ZSCAN5A: variants seen among roughly 807,000 people sequenced by gnomAD.
ZSCAN5A encodes zinc finger and SCAN domain-containing protein 5A.
Under a neutral mutation model 23.7 loss-of-function variants are expected in ZSCAN5A, and 12 were observed. That is an observed-to-expected ratio of 0.51 (90% CI 0.32 to 0.82). The LOEUF (loss-of-function observed/expected upper bound fraction) is 0.82. ZSCAN5A is among the 40% of genes least tolerant of loss of function. The pLI, the probability that ZSCAN5A is intolerant of heterozygous loss-of-function variation, is 0.03. For missense variants in ZSCAN5A, 597 were observed against 617.9 expected (o/e 0.97, Z 0.36); for synonymous variants, 257 against 239.9 (o/e 1.07, Z -0.66).
intron 2 of ZSCAN5A, among the ~76,000 whole-genome samples, chr19:56,268,269 G>A (rs933121043): frequency 6.6e-6 from 1 of 152,208 alleles, no homozygotes; most frequent in Non-Finnish European, 1.5e-5. Flanking sequence ...AGCCAGTCAT[G>A]CCAGCTGCAG....
At chr19:56,245,686 C>T (rs147508907) in intron 2 of ZSCAN5A, among the ~76,000 whole-genome samples, 2 of 151,922 alleles carry the variant, frequency 1.3e-5, no homozygotes, top group Non-Finnish European at 2.9e-5. Context: ...CAGTTGGCAC[C>T]GATGAATGAA....
chr19:56,271,077 A>T (rs1387863523), intron 2 of ZSCAN5A, among the ~76,000 whole-genome samples: 1 of 152,250 alleles, frequency 6.6e-6, no homozygotes, highest in Non-Finnish European at 1.5e-5. Flanking sequence ...GACTGTGATT[A>T]TATTTGATAA....
At chr19:56,337,606 G>C (rs2041552225) in intron 2 of ZSCAN5A, among the ~76,000 whole-genome samples, 1 of 152,160 alleles carries the variant, frequency 6.6e-6, no homozygotes, top group African/African-American at 2.4e-5. Context: ...TGCACCCACT[G>C]TCCGGCACTC....
At chr19:56,245,330 C>G in intron 2 of ZSCAN5A, 1 of 745,996 alleles carries the variant, frequency 1.3e-6, no homozygotes, top group Non-Finnish European at 2.5e-6. Context: ...GTCCAGCCAG[C>G]GGGCCTCCTC....
At chr19:56,275,076 T>A (rs1271732305) in intron 2 of ZSCAN5A, among the ~76,000 whole-genome samples, 1 of 152,232 alleles carries the variant, frequency 6.6e-6, no homozygotes, top group African/African-American at 2.4e-5. Flanking sequence ...CACATGATGT[T>A]GATGTGTCTT....
At chr19:56,365,215 C>T (rs1452635476) in intron 1 of ZSCAN5A, among the ~76,000 whole-genome samples, 3 of 152,116 alleles carry the variant, frequency 2.0e-5, no homozygotes, top group African/African-American at 4.8e-5. Context: ...GAGAAATGTA[C>T]ATAATGGGTT....
chr19:56,363,566 C>T (rs1041597890), intron 1 of ZSCAN5A, among the ~76,000 whole-genome samples: 4 of 152,136 alleles, frequency 2.6e-5, no homozygotes, highest in African/African-American at 9.7e-5. Context: ...TGGTTGTGAC[C>T]AAAATGCTAA....
intron 2 of ZSCAN5A, among the ~76,000 whole-genome samples, chr19:56,241,891 T>A (rs1192592843): frequency 6.6e-6 from 1 of 152,212 alleles, no homozygotes; most frequent in Non-Finnish European, 1.5e-5. Context: ...ATTTGTTACA[T>A]GAGTGTATTG....
chr19:56,331,832 C>T (rs556122909), intron 2 of ZSCAN5A, among the ~76,000 whole-genome samples: 4 of 151,982 alleles, frequency 2.6e-5, no homozygotes, highest in East Asian at 1.9e-4. Context: ...GTGGTCCACC[C>T]GCCTCGGCCT....
chr19:56,319,498 GAA>G (rs57164685), upstream of ZSCAN5A, among the ~76,000 whole-genome samples: 47 of 78,410 alleles, frequency 6.0e-4, no homozygotes, highest in South Asian at 6.7e-3. Flanking sequence ...TCCATCTCGG[GAA>G]AAAAAAAAAA....
At chr19:56,326,684 C>G (rs574498032) in intron 2 of ZSCAN5A, among the ~76,000 whole-genome samples, 14 of 152,286 alleles carry the variant, frequency 9.2e-5, no homozygotes, top group Admixed American at 2.0e-4. Flanking sequence ...CACACATGCT[C>G]TCACGTAAAT....
chr19:56,320,011 T>C lies in ZSCAN5A; in HGVS notation c.-357-3743A>G, dbSNP rs1363372244. ...GGACATTGATACTCTCTAATACACA[T>C]GGAACATCAACAATGGTAATAAAGC... On this transcript the variant is annotated intron_variant, in intron 2 of 6. Transcript: ENST00000587340. The C allele has an allele frequency of 4.6e-6, 4 of 873,558 alleles. No homozygotes were observed. In the African/African-American group the frequency reaches 4.9e-5, roughly 11 times the overall value. The allele number at this position is 873,558 out of a possible 1,614,324, so 54.1% of individuals were successfully genotyped here. A position where few individuals can be genotyped will look rare whatever the true frequency, so the allele number is the denominator to read the frequency against.
At chr19:56,251,559 G>A (rs748094873) in intron 2 of ZSCAN5A, among the ~76,000 whole-genome samples, 62 of 152,144 alleles carry the variant, frequency 4.1e-4, no homozygotes, top group Admixed American at 7.2e-4. Context: ...CTAGAAAATA[G>A]TTTTGTGTGT....
chr19:56,339,827 A>AGT (rs2041577077), intron 2 of ZSCAN5A, among the ~76,000 whole-genome samples: 3 of 151,978 alleles, frequency 2.0e-5, no homozygotes, highest in Non-Finnish European at 4.4e-5. Flanking sequence ...CGCATTTAGC[A>AGT]ATATGTGAAG....
intron 2 of ZSCAN5A, among the ~76,000 whole-genome samples, chr19:56,270,309 T>G (rs2037758895): frequency 6.6e-6 from 1 of 152,102 alleles, no homozygotes; most frequent in African/African-American, 2.4e-5. Context: ...TCCCAGCTAC[T>G]CAGGAGGCTG....
At chr19:56,289,493 C>G (rs1294570654) in intron 2 of ZSCAN5A, among the ~76,000 whole-genome samples, 2 of 152,182 alleles carry the variant, frequency 1.3e-5, no homozygotes, top group African/African-American at 2.4e-5. Context: ...GACCCCTCTT[C>G]CCATGAGTAC....
chr19:56,361,462 C>T (rs2041732962), intron 2 of ZSCAN5A, among the ~76,000 whole-genome samples: 1 of 152,146 alleles, frequency 6.6e-6, no homozygotes, highest in African/African-American at 2.4e-5. Context: ...ACCCAAATGC[C>T]CATCAGTGAT....
chr19:56,340,079 TG>T (rs1376641671), intron 2 of ZSCAN5A, among the ~76,000 whole-genome samples: 1 of 152,002 alleles, frequency 6.6e-6, no homozygotes, highest in East Asian at 1.9e-4. Flanking sequence ...TTGTGCAAAA[TG>T]GAAATCCAAA....
At chr19:56,244,500 G>C in intron 2 of ZSCAN5A, 1 of 1,477,140 alleles carries the variant, frequency 6.8e-7, no homozygotes, top group South Asian at 1.4e-5. Flanking sequence ...CTGGACTCGA[G>C]AGGACCCGAG....
Sources: gnomAD v4.1 joint callset for allele counts (sites outside exome capture counted in the v4.1 genomes callset) on GRCh38, gnomAD v4.1.1 for gene constraint, MANE v1.5 for transcripts, NCBI Gene and HGNC (gene_info 2026-07-23, HGNC 2026-07-21) for gene names.